NAALAD2: variants seen among roughly 807,000 people sequenced by gnomAD.
The protein encoded by NAALAD2 is N-acetylated-alpha-linked acidic dipeptidase 2.
Under a neutral mutation model 95.6 loss-of-function variants are expected in NAALAD2, and 89 were observed. That is an observed-to-expected ratio of 0.93 (90% confidence interval 0.78 to 1.11). The LOEUF (loss-of-function observed/expected upper bound fraction) is 1.11. Ranked by LOEUF, NAALAD2 falls within the 50% of genes least tolerant of loss-of-function variation. NAALAD2 has a pLI of 0.00. For missense variants in NAALAD2, 894 were observed against 872.4 expected, an observed-to-expected ratio of 1.02 and a Z score of -0.31; for synonymous variants, 264 against 294.4, an observed-to-expected ratio of 0.90 and a Z score of 1.06.
chr11:90,172,582 A>G (rs953275250), intron 13 of NAALAD2, among the ~76,000 whole-genome samples: 1 of 152,298 alleles, frequency 6.6e-6, no homozygotes, highest in South Asian at 2.1e-4. Flanking sequence ...TTACTTGGAG[A>G]CATATCTATC....
intron 11 of NAALAD2, among the ~76,000 whole-genome samples, chr11:90,167,624 G>C (rs1206858630): frequency 6.6e-6 from 1 of 152,158 alleles, no homozygotes; most frequent in Admixed American, 6.5e-5. Context: ...TGGGGACTTG[G>C]AGAATCTTTA....
chr11:90,164,774 G>A (rs1434111738), intron 11 of NAALAD2, among the ~76,000 whole-genome samples: 1 of 151,980 alleles, frequency 6.6e-6, no homozygotes, highest in Non-Finnish European at 1.5e-5. Context: ...AAAGTTATTT[G>A]AAAAACTATT....
At chr11:90,185,362 TA>T (rs1857105062) in intron 18 of NAALAD2, among the ~76,000 whole-genome samples, 1 of 152,142 alleles carries the variant, frequency 6.6e-6, no homozygotes, top group Non-Finnish European at 1.5e-5. Flanking sequence ...GTTACAATTT[TA>T]TTTTTTTCCT....
Position 90,149,624 on chromosome 11 carries a change from G to C in NAALAD2, c.483+517G>C, listed in dbSNP as rs575633229. Among the ~76,000 whole-genome samples the C allele has an allele frequency of 7.2e-5, 11 of 152,020 alleles. No homozygotes were observed. The South Asian group carries it at 2.3e-3, about 32-fold the overall frequency. Reference sequence around the variant, plus strand: ...TAATTTTGTATTTTTTTTTAGTGGAGACGGGGTTTCTCTATGTTGGTCAGG... The same window carrying C: ...TAATTTTGTATTTTTTTTTAGTGGACACGGGGTTTCTCTATGTTGGTCAGG... On this transcript the variant is annotated intron_variant, in intron 4 of 18. Coordinates refer to ENST00000534061, the MANE Select transcript of NAALAD2 (RefSeq NM_005467.4).
Position 90,150,918 on chromosome 11 carries a change from A to C in NAALAD2, c.609+311A>C, listed in dbSNP as rs138204917. ...CCCACTTCATTATTCAGATATAATC[A>C]ATCTTAATAGCTTTTTTCAAACCTA... is the stretch of plus-strand genomic sequence containing the variant. On this transcript the variant is annotated intron_variant, in intron 5 of 18. Coordinates refer to ENST00000534061, the MANE Select transcript of NAALAD2 (RefSeq NM_005467.4). 5.2e-3 allele frequency among the ~76,000 whole-genome samples: 792 copies of C among 152,294 alleles called. 9 individuals are homozygous for C. Among genetic ancestry groups the C allele is most frequent in the African/African-American group, 0.018 (738 of 41,582 alleles).
At chr11:90,156,998 C>T (rs1355658991) in intron 6 of NAALAD2, among the ~76,000 whole-genome samples, 1 of 152,084 alleles carries the variant, frequency 6.6e-6, no homozygotes, top group African/African-American at 2.4e-5. Context: ...TGAGACATGT[C>T]TTATGGCCCA....
At chr11:90,168,131 G>A (rs1381816473) in intron 11 of NAALAD2, among the ~76,000 whole-genome samples, 2 of 152,112 alleles carry the variant, frequency 1.3e-5, no homozygotes, top group South Asian at 2.1e-4. Context: ...CCCACCAGGA[G>A]GAAGGAACAA....
chr11:90,155,134 G>T (rs536644540), intron 6 of NAALAD2, among the ~76,000 whole-genome samples: 1 of 123,882 alleles, frequency 8.1e-6, no homozygotes, highest in Non-Finnish European at 1.6e-5. Context: ...TATAATATAC[G>T]TATACATATG....
intron 11 of NAALAD2, among the ~76,000 whole-genome samples, chr11:90,168,349 G>A (rs1330719079): frequency 6.6e-6 from 1 of 152,192 alleles, no homozygotes. Flanking sequence ...GTGAGATCAA[G>A]AACCCACCAA....
At chr11:90,176,578 G>T (rs1216748096) in intron 15 of NAALAD2, among the ~76,000 whole-genome samples, 1 of 152,060 alleles carries the variant, frequency 6.6e-6, no homozygotes, top group African/African-American at 2.4e-5. Context: ...TTTCTGTTCT[G>T]CACTGACTGG....
intron 2 of NAALAD2, among the ~76,000 whole-genome samples, chr11:90,139,430 T>A (rs1590954614): frequency 6.6e-6 from 1 of 152,212 alleles, no homozygotes; most frequent in African/African-American, 2.4e-5. Context: ...CTTTGTAGCA[T>A]CCCCCTCTGC....
chr11:90,173,419 T>C (rs1189751506), intron 13 of NAALAD2, among the ~76,000 whole-genome samples: 1 of 152,188 alleles, frequency 6.6e-6, no homozygotes, highest in Non-Finnish European at 1.5e-5. Context: ...ATAGGTCTTA[T>C]TAGGCAAAAA....
chr11:90,147,550 C>A (rs1951776181), intron 3 of NAALAD2, 34 bp downstream of exon 3: 1 of 1,555,956 alleles, frequency 6.4e-7, no homozygotes. Flanking sequence ...TTATATTTTG[C>A]AATCCGACCG....
chr11:90,162,751 T>C (rs1338189423), intron 8 of NAALAD2, 198 bp from the exon 9 acceptor site: 2 of 344,904 alleles, frequency 5.8e-6, no homozygotes, highest in Non-Finnish European at 1.1e-5. Flanking sequence ...TAAATTGGCA[T>C]AATGTCTGTA....
intron 6 of NAALAD2, among the ~76,000 whole-genome samples, chr11:90,154,097 C>T (rs1314101113): frequency 2.7e-5 from 4 of 150,408 alleles, no homozygotes; most frequent in African/African-American, 9.8e-5. Flanking sequence ...CTTCTTTTTG[C>T]TTTATTGTAC....
chr11:90,181,225 C>G (rs1224992858), intron 16 of NAALAD2, among the ~76,000 whole-genome samples: 4 of 152,000 alleles, frequency 2.6e-5, no homozygotes, highest in African/African-American at 9.7e-5. Context: ...TATTTGAAAA[C>G]AAGAATTGGT....
chr11:90,177,717 T>G (rs984815585), intron 15 of NAALAD2, 136 bp from the exon 16 acceptor site: 7 of 809,098 alleles, frequency 8.7e-6, no homozygotes, highest in Non-Finnish European at 1.2e-5. Context: ...CTTCCCAAAG[T>G]GCTAGGATTA....
rs1237008783 is a variant in NAALAD2 at position 90,191,745 on chromosome 11, TAGA to T, written c.*1_*3del. ...AGCAGGAACTCTGAAAGAAGTATTA[TAGA>T]AGGTCTCAAGTGGCTAGCCATTAAA... is the stretch of plus-strand genomic sequence containing the variant. On this transcript the variant is annotated stop_retained_variant and 3_prime_UTR_variant, in exon 19 of 19. Coordinates refer to ENST00000534061, the MANE Select transcript of NAALAD2 (RefSeq NM_005467.4). 6.4e-7 allele frequency: 1 copy of T among 1,559,976 alleles called. No homozygotes were observed. The highest frequency in any genetic ancestry group is 1.4e-5 in the African/African-American group (1 of 72,898).
chr11:90,138,029 A>G (rs1310054615), intron 2 of NAALAD2, among the ~76,000 whole-genome samples: 1 of 152,116 alleles, frequency 6.6e-6, no homozygotes, highest in African/African-American at 2.4e-5. Flanking sequence ...GCAGTCAAAA[A>G]TCCACACATA....
Sources: gnomAD v4.1 joint callset for allele counts (sites outside exome capture counted in the v4.1 genomes callset) on GRCh38, gnomAD v4.1.1 for gene constraint, MANE v1.5 for transcripts, NCBI Gene and HGNC (gene_info 2026-07-23, HGNC 2026-07-21) for gene names.